The following USP9X variants were observed in gnomAD, a reference collection of about 807,000 sequenced individuals.
USP9X encodes the protein ubiquitin specific peptidase 9 X-linked, also known as ubiquitin carboxyl-terminal hydrolase 9X.
Under a neutral mutation model 190.3 loss-of-function variants are expected in USP9X, and 7 were observed. That is an observed-to-expected ratio of 0.04 (90% CI 0.02 to 0.07). USP9X has a LOEUF of 0.07. USP9X is among the 10% of genes least tolerant of loss of function. USP9X has a pLI of 1.00. For missense variants in USP9X, 1,010 were observed against 1,916.9 expected, an observed-to-expected ratio of 0.53 and a Z score of 8.83; for synonymous variants, 645 against 659.5, an observed-to-expected ratio of 0.98 and a Z score of 0.34.
intron 14 of USP9X, among the ~76,000 whole-genome samples, chrX:41,161,755 C>CT (rs1230566701): frequency 2.0e-3 from 189 of 93,167 alleles, no homozygotes; most frequent in African/African-American, 4.8e-3. Flanking sequence ...CATCCTCTCA[C>CT]TTTTTTTTTT....
At chrX:41,209,226 T>G (rs192960882) in intron 32 of USP9X, among the ~76,000 whole-genome samples, 9 of 112,025 alleles carry the variant, frequency 8.0e-5, no homozygotes, top group Non-Finnish European at 1.5e-4. Context: ...TATCTCTCTA[T>G]CCCAATCTGA....
chrX:41,114,726 C>T (rs936144884), intron 1 of USP9X, among the ~76,000 whole-genome samples: 8 of 108,306 alleles, frequency 7.4e-5, no homozygotes, highest in Admixed American at 3.0e-4. Flanking sequence ...TCAAGTGATC[C>T]GCCCGCCTCA....
At chrX:41,207,078 C>CAT (rs1385558770) in intron 32 of USP9X, among the ~76,000 whole-genome samples, 1 of 68,214 alleles carries the variant, frequency 1.5e-5, no homozygotes, top group African/African-American at 6.4e-5. Flanking sequence ...TGCTCCCTGG[C>CAT]CTTTTTTTTT....
At chrX:41,218,270 G>T in intron 36 of USP9X, 102 bp from the exon 37 acceptor site, 1 of 802,648 alleles carries the variant, frequency 1.2e-6, no homozygotes, top group Non-Finnish European at 1.8e-6. Context: ...AGCAGTAGAG[G>T]AAGATCTTTG....
intron 19 of USP9X, 66 bp downstream of exon 19, chrX:41,170,301 A>C: frequency 1.8e-6 from 2 of 1,108,945 alleles, no homozygotes. Flanking sequence ...TAATCAGTAA[A>C]TACTAATTGA....
At chrX:41,201,874 G>A (rs2063044991) in intron 31 of USP9X, among the ~76,000 whole-genome samples, 2 of 111,563 alleles carry the variant, frequency 1.8e-5, no homozygotes, top group Admixed American at 1.9e-4. Context: ...GGAAGGCTGA[G>A]GCAGGAGAAT....
In USP9X at chrX:41,216,642, C is replaced by T. The variant is rs1374013183; in HGVS notation, c.6075C>T (p.Asn2025=). Residue 2025 remains asparagine (N), a synonymous_variant, in exon 35 of 45, where the codon AAC becomes AAT. Transcript: ENST00000378308. Reference sequence around the variant, plus strand: ...TTACATGTAATGGCGTTTACTTAAACCCTCCTCCCGGTGAGTATCAAGAGA... The same window carrying T: ...TTACATGTAATGGCGTTTACTTAAATCCTCCTCCCGGTGAGTATCAAGAGA... ...KLLTCNGVYL[N]PPPGQDHLLP... is the part of the protein sequence containing the mutation. 1 of 1,205,110 alleles carries T rather than the reference C, an allele frequency of 8.3e-7. No individual in the cohort carries two copies. The highest frequency in any genetic ancestry group is 3.0e-5 in the East Asian group (1 of 33,768).
At chrX:41,172,021 C>A in intron 21 of USP9X, 63 bp downstream of exon 21, 2 of 1,171,668 alleles carry the variant, frequency 1.7e-6, no homozygotes, top group South Asian at 1.9e-5. Flanking sequence ...TTAGCAAATT[C>A]TGTTTCTAAA....
intron 31 of USP9X, among the ~76,000 whole-genome samples, chrX:41,201,606 A>G (rs1220486889): frequency 8.9e-6 from 1 of 112,343 alleles, no homozygotes; most frequent in African/African-American, 3.2e-5. Context: ...CTACCTCTTA[A>G]CATAGTATAG....
intron 1 of USP9X, among the ~76,000 whole-genome samples, chrX:41,105,742 C>T (rs2062064428): frequency 8.9e-6 from 1 of 112,060 alleles, no homozygotes; most frequent in Admixed American, 9.5e-5. Flanking sequence ...ACAGTGGCTG[C>T]ACCATTTTAC....
At position 41,125,643 on chromosome X, in the gene USP9X, AACACACAC is replaced by A. The variant is rs748348083; in HGVS notation, c.96+1954_96+1961del. Among the ~76,000 whole-genome samples, 62 of 27,694 alleles carry A rather than the reference AACACACAC, an allele frequency of 2.2e-3. 1 individual carries two copies. Among genetic ancestry groups the A allele is most frequent in the East Asian group, 0.015 (15 of 1,024 alleles). The allele number at this position is 27,694 out of a possible 115,157, so 24.0% of individuals were successfully genotyped here. ...TCCCTCCCCCCACACCCCTCCCGCCAACACACACACACACACACACACACACACACACA... is the reference window on the plus strand; with the variant it reads ...TCCCTCCCCCCACACCCCTCCCGCCAACACACACACACACACACACACACA... On this transcript the variant is annotated intron_variant, in intron 2 of 44. Coordinates refer to ENST00000378308, the MANE Select transcript of USP9X (RefSeq NM_001039591.3).
chrX:41,180,464 A>G lies in USP9X; in HGVS notation c.3149-3534A>G, dbSNP rs138232206. On this transcript the variant is annotated intron_variant, in intron 21 of 44. Coordinates refer to ENST00000378308, the MANE Select transcript of USP9X (RefSeq NM_001039591.3). The stretch of plus-strand genomic sequence containing the variant: ...AGTGGGTGCTTTCTTCATGTTTTAT[A>G]TAATGAAACTAGAATACCTAAATTT... Among the ~76,000 whole-genome samples, 245 of 112,491 alleles carry G rather than the reference A, an allele frequency of 2.2e-3. 1 individual carries two copies. The highest frequency in any genetic ancestry group is 7.7e-3 in the African/African-American group (240 of 30,980).
At chrX:41,135,514 G>A (rs1396475380) in intron 5 of USP9X, among the ~76,000 whole-genome samples, 5 of 111,606 alleles carry the variant, frequency 4.5e-5, no homozygotes, top group Non-Finnish European at 9.4e-5. Context: ...AAACAGTAAT[G>A]TATTGTTCAT....
intron 11 of USP9X, among the ~76,000 whole-genome samples, chrX:41,146,979 A>C (rs974995233): frequency 9.0e-6 from 1 of 111,071 alleles, no homozygotes; most frequent in African/African-American, 3.3e-5. Context: ...ATAGTTTTAA[A>C]ACTTCCAGTT....
At chrX:41,103,169 T>C (rs1181258662) in intron 1 of USP9X, among the ~76,000 whole-genome samples, 1 of 112,602 alleles carries the variant, frequency 8.9e-6, no homozygotes, top group Non-Finnish European at 1.9e-5. Flanking sequence ...TCTGTAACAT[T>C]TGATGTGACT....
At chrX:41,157,891 TATG>T (rs1466400152) in intron 14 of USP9X, among the ~76,000 whole-genome samples, 1 of 111,918 alleles carries the variant, frequency 8.9e-6, no homozygotes, top group East Asian at 2.8e-4. Context: ...ATTTTTAAAG[TATG>T]ATGACAATGT....
At chrX:41,125,559 A>G (rs1333237686) in intron 2 of USP9X, among the ~76,000 whole-genome samples, 1 of 104,990 alleles carries the variant, frequency 9.5e-6, no homozygotes, top group Non-Finnish European at 2.0e-5. Flanking sequence ...TATTTCTGAT[A>G]TTTCTGATAC....
At chrX:41,105,601 G>C (rs757318923) in intron 1 of USP9X, among the ~76,000 whole-genome samples, 5 of 112,098 alleles carry the variant, frequency 4.5e-5, no homozygotes, top group African/African-American at 1.6e-4. Flanking sequence ...ATGCCGCTAT[G>C]AACATGGGTG....
At chrX:41,196,110 G>T (rs2062982044) in intron 26 of USP9X, 141 bp from the exon 27 acceptor site, 1 of 652,019 alleles carries the variant, frequency 1.5e-6, no homozygotes, top group Admixed American at 2.8e-5. Flanking sequence ...GTTGTGTGTA[G>T]GTAGGGTAAT....
Sources: gnomAD v4.1 joint callset for allele counts (sites outside exome capture counted in the v4.1 genomes callset) on GRCh38, gnomAD v4.1.1 for gene constraint, MANE v1.5 for transcripts, NCBI Gene and HGNC (gene_info 2026-07-23, HGNC 2026-07-21) for gene names.